Variants in PHC2 observed in about 807,000 individuals in gnomAD.
PHC2 encodes the protein polyhomeotic homolog 2, also known as polyhomeotic-like protein 2.
In PHC2, 29 loss-of-function variants were observed where a neutral mutation model predicts 87.4. The observed-to-expected ratio is 0.33, with a 90% CI of 0.25 to 0.45. PHC2 has a LOEUF of 0.45. PHC2 is among the 20% of genes least tolerant of loss of function. PHC2 has a pLI of 1.00. For synonymous variants in PHC2, 438 were observed against 461.7 expected (o/e 0.95, Z 0.66); for missense variants, 857 against 1,136.7 (o/e 0.75, Z 3.54).
chr1:33,347,838 A>C, intron 9 of PHC2: 1 of 614,726 alleles, frequency 1.6e-6, no homozygotes, highest in Non-Finnish European at 2.0e-6. Context: ...TCTGCGAAAC[A>C]AGCCCGCCCT....
intron 7 of PHC2, among the ~76,000 whole-genome samples, chr1:33,362,586 A>T (rs1647220715): frequency 6.6e-6 from 1 of 152,216 alleles, no homozygotes; most frequent in African/African-American, 2.4e-5. Context: ...TAAGTGAAAC[A>T]CAGGGGCACA....
intron 1 of PHC2, among the ~76,000 whole-genome samples, chr1:33,401,489 C>T (rs910106521): frequency 6.6e-6 from 1 of 152,110 alleles, no homozygotes; most frequent in African/African-American, 2.4e-5. Context: ...TGGATAGACC[C>T]TATTCTTGAC....
Position 33,368,726 on chromosome 1 carries a change from G to T in PHC2, c.577-104C>A, listed in dbSNP as rs969823592. The T allele has an allele frequency of 2.5e-6, 2 of 795,216 alleles. No homozygotes were observed. The highest frequency in any genetic ancestry group is 1.7e-5 in the African/African-American group (1 of 58,874). 49.3% of individuals were successfully genotyped at this position (795,216 alleles called of 1,614,324 possible). ...GAAACGAGGCGCCTTTTACCTGCTC[G>T]ATGTGGACTCAGCCACAGGACACAA... On this transcript the variant is annotated intron_variant, in intron 5 of 14. Coordinates refer to ENST00000683057, the MANE Select transcript of PHC2 (RefSeq NM_001385109.1). This position sits in a 1 kb window ranked among gnomAD's most constrained non-coding sequence, Gnocchi z 6.6.
chr1:33,378,614 G>A (rs1030694162), intron 1 of PHC2, among the ~76,000 whole-genome samples: 7 of 152,216 alleles, frequency 4.6e-5, no homozygotes, highest in Non-Finnish European at 1.0e-4. Context: ...ATTTCTGTGA[G>A]TGTAGTTAAT....
rs1330841936 is a variant in PHC2 at position 33,331,124 on chromosome 1, C to G, written c.2006+224G>C. Among the ~76,000 whole-genome samples the G allele has an allele frequency of 6.6e-6, 1 of 152,222 alleles. No individual in the cohort carries two copies. The highest frequency in any genetic ancestry group is 6.5e-5 in the Admixed American group (1 of 15,282). On this transcript the variant is annotated intron_variant, in intron 12 of 14. Transcript: ENST00000683057. This position sits in a 1 kb window ranked among gnomAD's most constrained non-coding sequence, Gnocchi z 5.2. ...CAGGAGGGCCAGCCGAGCCAAAGCACTGCGGCTTTTCCTTGGACTCCCGCT... is the reference window on the plus strand; with the variant it reads ...CAGGAGGGCCAGCCGAGCCAAAGCAGTGCGGCTTTTCCTTGGACTCCCGCT...
chr1:33,390,416 A>G (rs1648989920), intron 1 of PHC2, among the ~76,000 whole-genome samples: 1 of 152,170 alleles, frequency 6.6e-6, no homozygotes, highest in Admixed American at 6.5e-5. Context: ...TTCATCATCT[A>G]CTTAAGGTGG....
In PHC2 at chr1:33,330,621, A is replaced by C. The variant is rs1570442246; in HGVS notation, c.2007-409T>G. On this transcript the variant is annotated intron_variant, in intron 12 of 14. Coordinates refer to ENST00000683057, the MANE Select transcript of PHC2 (RefSeq NM_001385109.1). ...ACAGCCTGAGGGGAATGAGGGCTGAAGATAGCTGAACTCTAGCTTGGCATG... is the reference window on the plus strand; with the variant it reads ...ACAGCCTGAGGGGAATGAGGGCTGACGATAGCTGAACTCTAGCTTGGCATG... Among the ~76,000 whole-genome samples, 7 of 152,310 alleles carry C rather than the reference A, an allele frequency of 4.6e-5. No homozygotes were observed. In the South Asian group the frequency reaches 1.5e-3, roughly 32 times the overall value.
intron 7 of PHC2, chr1:33,363,703 A>G: frequency 2.1e-6 from 2 of 969,094 alleles, no homozygotes; most frequent in Non-Finnish European, 2.5e-6. Flanking sequence ...TTATCACAGC[A>G]TATCCCTCCC....
At chr1:33,342,632 C>G (rs1189260067) in intron 9 of PHC2, among the ~76,000 whole-genome samples, 1 of 152,060 alleles carries the variant, frequency 6.6e-6, no homozygotes, top group Non-Finnish European at 1.5e-5. Context: ...TGAGCTCAAA[C>G]TCAGCAGCAG....
chr1:33,386,401 C>T (rs138627600), intron 1 of PHC2, among the ~76,000 whole-genome samples: 165 of 151,822 alleles, frequency 1.1e-3, no homozygotes, highest in African/African-American at 3.9e-3. Flanking sequence ...CTATAATCAT[C>T]CCAGCTACTC....
chr1:33,394,311 G>A (rs1477482300), intron 1 of PHC2, among the ~76,000 whole-genome samples: 3 of 151,458 alleles, frequency 2.0e-5, no homozygotes, highest in Middle Eastern at 3.4e-3. Context: ...AAAAAAAAAA[G>A]TAAAGGAAAA....
At chr1:33,392,740 G>C (rs928997381) in intron 1 of PHC2, 4 of 151,894 alleles carry the variant, frequency 2.6e-5, no homozygotes, top group African/African-American at 9.7e-5. Context: ...CCATTTATCT[G>C]TCTTTGTTCC....
intron 1 of PHC2, among the ~76,000 whole-genome samples, chr1:33,425,664 T>C (rs1159279315): frequency 1.3e-5 from 2 of 152,190 alleles, no homozygotes; most frequent in Non-Finnish European, 2.9e-5. Context: ...AAAATTTTGT[T>C]TTAAGCTGGT....
At chr1:33,350,524 G>C (rs1646951193) in intron 9 of PHC2, 2 of 152,346 alleles carry the variant, frequency 1.3e-5, no homozygotes, top group Admixed American at 1.3e-4. Context: ...TTCAGCACGC[G>C]CGCGAGGGGC....
At position 33,339,331 on chromosome 1, in the gene PHC2, T is replaced by C. The variant is rs559585146; in HGVS notation, c.1559-5039A>G. On this transcript the variant is annotated intron_variant, in intron 9 of 14. Transcript: ENST00000683057. ...AGTGCCAAGATAAGCAATTTGGCAC[T>C]AGCTGAGATTTACAAGTTGCTTTCT... Among the ~76,000 whole-genome samples the C allele has an allele frequency of 4.6e-5, 7 of 152,338 alleles. No homozygotes were observed. The South Asian group carries it at 1.4e-3, about 32-fold the overall frequency.
intron 7 of PHC2, chr1:33,358,930 C>G (rs1308174265): frequency 1.3e-5 from 2 of 152,156 alleles, no homozygotes; most frequent in African/African-American, 4.8e-5. Context: ...CTCAGAGAAG[C>G]AGTGTGCCCA....
rs563032366 is a variant in PHC2 at position 33,410,551 on chromosome 1, G to A, written c.-55+20425C>T. Among the ~76,000 whole-genome samples, 45 of 152,310 alleles carry A rather than the reference G, an allele frequency of 3.0e-4. 1 individual carries two copies. Among genetic ancestry groups the A allele is most frequent in the Middle Eastern group, 3.4e-3 (1 of 292 alleles). Reference sequence around the variant, plus strand: ...TAGCTTTGCAAATGAGAAGGGTAGCGATATTCCAGGGCTGCTATCCAGACA... The same window carrying A: ...TAGCTTTGCAAATGAGAAGGGTAGCAATATTCCAGGGCTGCTATCCAGACA... On this transcript the variant is annotated intron_variant, in intron 1 of 14. Coordinates refer to ENST00000683057, the MANE Select transcript of PHC2 (RefSeq NM_001385109.1).
At chr1:33,345,346 C>CA (rs1646826661) in intron 9 of PHC2, 1 of 161,362 alleles carries the variant, frequency 6.2e-6, no homozygotes, top group African/African-American at 2.4e-5. Flanking sequence ...GGATTCATCT[C>CA]AGAGCACTGG....
In PHC2 at chr1:33,324,332, C is replaced by G. The variant is rs1011426106; in HGVS notation, c.*533G>C. On this transcript the variant is annotated 3_prime_UTR_variant, in exon 15 of 15. Transcript: ENST00000683057. ...TGCCAGCAGGCACGGCCCGGCTGGGCCCAGCTTCTCTCTCTCCACCTGCAG... is the reference window on the plus strand; with the variant it reads ...TGCCAGCAGGCACGGCCCGGCTGGGGCCAGCTTCTCTCTCTCCACCTGCAG... 6.5e-6 allele frequency: 1 copy of G among 153,018 alleles called. No individual in the cohort carries two copies. Among genetic ancestry groups the G allele is most frequent in the African/African-American group, 2.4e-5 (1 of 41,464 alleles). 9.5% of individuals were successfully genotyped at this position (153,018 alleles called of 1,614,324 possible).
Sources: allele counts gnomAD v4.1 joint callset (sites outside exome capture counted in the v4.1 genomes callset), GRCh38; gene constraint gnomAD v4.1.1; non-coding constraint Gnocchi (gnomAD v3.1); transcripts MANE v1.5; gene names NCBI Gene and HGNC (gene_info 2026-07-23, HGNC 2026-07-21).